CLASP2: variants seen among roughly 807,000 people sequenced by gnomAD.
CLASP2 encodes cytoplasmic linker associated protein 2, also known as CLIP-associating protein 2.
CLASP2 carries 47 observed loss-of-function variants against 194.4 expected under a neutral mutation model. The ratio of observed to expected loss-of-function variants is 0.24; its 90% CI spans 0.19 to 0.31. The LOEUF (loss-of-function observed/expected upper bound fraction) is 0.31, where lower values mean the gene tolerates loss of function less well. Among genes scored for constraint, CLASP2 ranks in the 10% least tolerant of loss-of-function variants. The probability of loss-of-function intolerance (pLI) is 1.00; values close to 1 mark genes in which losing one functional copy is unlikely to be tolerated. For missense variants in CLASP2, 1,445 were observed against 1,823.6 expected, an observed-to-expected ratio of 0.79 and a Z score of 3.78; for synonymous variants, 619 against 633.5, an observed-to-expected ratio of 0.98 and a Z score of 0.34.
At chr3:33,663,779 T>C (rs772855732) in intron 6 of CLASP2, among the ~76,000 whole-genome samples, 11 of 152,166 alleles carry the variant, frequency 7.2e-5, no homozygotes, top group Non-Finnish European at 1.5e-4. Flanking sequence ...CAGTTTCTCA[T>C]GTTTCATCAT....
chr3:33,510,454 G>T (rs1027566742), intron 37 of CLASP2, 104 bp downstream of exon 37: 2 of 1,037,118 alleles, frequency 1.9e-6, no homozygotes, highest in Non-Finnish European at 2.9e-6. Flanking sequence ...GCAGACAAAC[G>T]GGAGGAAGGC....
chr3:33,688,595 T>G (rs771104405), intron 3 of CLASP2, among the ~76,000 whole-genome samples: 36 of 152,204 alleles, frequency 2.4e-4, no homozygotes, highest in Admixed American at 9.2e-4. Flanking sequence ...ATATTTCACT[T>G]TAGATTTTGA....
chr3:33,505,714 G>A (rs2047996602), intron 37 of CLASP2, among the ~76,000 whole-genome samples: 1 of 152,202 alleles, frequency 6.6e-6, no homozygotes, highest in Admixed American at 6.5e-5. Context: ...CATCACTGAA[G>A]GCGGGACAAC....
chr3:33,716,203 T>C (rs909927306), intron 1 of CLASP2, among the ~76,000 whole-genome samples: 5 of 152,190 alleles, frequency 3.3e-5, no homozygotes, highest in Admixed American at 3.3e-4. Flanking sequence ...AGTTCTCTTC[T>C]GACTGCTGAA....
At chr3:33,498,864 T>C (rs2046162182) in intron 38 of CLASP2, 147 bp from the exon 39 acceptor site, 1 of 445,450 alleles carries the variant, frequency 2.2e-6, no homozygotes. Flanking sequence ...TTGTTGATAA[T>C]TAGGAATAAC....
At chr3:33,508,375 G>C (rs1274576696) in intron 37 of CLASP2, among the ~76,000 whole-genome samples, 1 of 152,014 alleles carries the variant, frequency 6.6e-6, no homozygotes, top group Non-Finnish European at 1.5e-5. Flanking sequence ...CTGTCTCCCA[G>C]GCTGGAGTGC....
chr3:33,672,610 G>C (rs1014685569), intron 6 of CLASP2, among the ~76,000 whole-genome samples: 2 of 152,344 alleles, frequency 1.3e-5, no homozygotes, highest in East Asian at 3.9e-4. Flanking sequence ...ACTTTGACGA[G>C]TTGACAGAAG....
chr3:33,621,748 T>C (rs1348337726), intron 11 of CLASP2, among the ~76,000 whole-genome samples: 1 of 152,182 alleles, frequency 6.6e-6, no homozygotes, highest in Non-Finnish European at 1.5e-5. Flanking sequence ...TTTGCTAAGT[T>C]AATGATGCAT....
chr3:33,609,942 A>C (rs937541108), intron 13 of CLASP2, among the ~76,000 whole-genome samples: 1 of 152,226 alleles, frequency 6.6e-6, no homozygotes, highest in African/African-American at 2.4e-5. Context: ...AGTTAAACTT[A>C]AACCTTGGCA....
intron 1 of CLASP2, among the ~76,000 whole-genome samples, chr3:33,699,357 A>G (rs2092203834): frequency 6.6e-6 from 1 of 152,180 alleles, no homozygotes; most frequent in Admixed American, 6.5e-5. Flanking sequence ...GCATCAAACC[A>G]TACATCTAAG....
In CLASP2 at chr3:33,718,220, G is replaced by A. The variant is rs1202339345; in HGVS notation, c.-218C>T. 1.5e-5 allele frequency: 4 copies of A among 272,810 alleles called. No individual in the cohort carries two copies. The highest frequency in any genetic ancestry group is 7.5e-5 in the East Asian group (1 of 13,260). 16.9% of individuals were successfully genotyped at this position (272,810 alleles called of 1,614,324 possible). On this transcript the variant is annotated 5_prime_UTR_variant, in exon 1 of 39. Coordinates refer to ENST00000682230, the MANE Select transcript of CLASP2 (RefSeq NM_001365631.1). ...GCCCCCCGATCCCCAGCCCGCTTCA[G>A]AGGCCGCGGCCGCGGGCGACGTCAG...
rs530281726 is a variant in CLASP2 at position 33,689,176 on chromosome 3, C to CA, written c.378+652dup. Among the ~76,000 whole-genome samples the CA allele has an allele frequency of 2.2e-3, 283 of 129,266 alleles. 1 individual carries two copies. The highest frequency in any genetic ancestry group is 0.019 in the South Asian group (80 of 4,200). The allele number at this position is 129,266 out of a possible 152,430, so 84.8% of individuals were successfully genotyped here. ...TTCAAGAAGGTGGCTTAAGAAATTA[C>CA]AAAAAAAAAAAAAATCTTAAATGTG... is the stretch of plus-strand genomic sequence containing the variant. On this transcript the variant is annotated intron_variant, in intron 3 of 38. Transcript: ENST00000682230.
chr3:33,597,756 CTTTT>C (rs558732745), intron 18 of CLASP2, among the ~76,000 whole-genome samples: 1 of 137,766 alleles, frequency 7.3e-6, no homozygotes. Flanking sequence ...TCTTTTCTTT[CTTTT>C]TTTTTTTTTT....
intron 37 of CLASP2, among the ~76,000 whole-genome samples, chr3:33,506,052 G>A (rs2048085217): frequency 6.6e-6 from 1 of 151,946 alleles, no homozygotes. Context: ...ACTTCATGAA[G>A]TATTTAATAT....
chr3:33,550,113 C>T (rs1038311487), intron 30 of CLASP2, among the ~76,000 whole-genome samples: 7 of 151,690 alleles, frequency 4.6e-5, no homozygotes, highest in Admixed American at 3.3e-4. Flanking sequence ...ATATAAGATG[C>T]AAGAAACAGG....
intron 27 of CLASP2, among the ~76,000 whole-genome samples, chr3:33,563,262 C>G (rs931606393): frequency 6.6e-6 from 1 of 152,148 alleles, no homozygotes; most frequent in Non-Finnish European, 1.5e-5. Context: ...CGTTCTGTAA[C>G]TTGACACTGC....
chr3:33,645,885 C>T (rs1178653214), intron 7 of CLASP2, among the ~76,000 whole-genome samples: 1 of 151,454 alleles, frequency 6.6e-6, no homozygotes, highest in Non-Finnish European at 1.5e-5. Flanking sequence ...TGAATGACCA[C>T]ACTAGTATCA....
At position 33,606,893 on chromosome 3, in the gene CLASP2, T is replaced by C. The variant is rs139374011; in HGVS notation, c.1527-135A>G. 3.8e-4 allele frequency: 256 copies of C among 674,544 alleles called. 2 individuals are homozygous for C. The highest frequency in any genetic ancestry group is 2.3e-4 in the Non-Finnish European group (94 of 406,002). The allele number at this position is 674,544 out of a possible 1,614,324, so 41.8% of individuals were successfully genotyped here. On this transcript the variant is annotated intron_variant, in intron 15 of 38. Coordinates refer to ENST00000682230, the MANE Select transcript of CLASP2 (RefSeq NM_001365631.1). ...TATCTGATATTTGTCAGGTGAACAC[T>C]TTCTAAATTGAACAAGTTCCAGTGG...
intron 34 of CLASP2, among the ~76,000 whole-genome samples, chr3:33,528,982 A>C (rs2055404569): frequency 6.6e-6 from 1 of 152,178 alleles, no homozygotes; most frequent in Non-Finnish European, 1.5e-5. Context: ...AAGTTTCAGG[A>C]TATAAAATCA....
Sources: allele counts gnomAD v4.1 joint callset (sites outside exome capture counted in the v4.1 genomes callset), GRCh38; gene constraint gnomAD v4.1.1; transcripts MANE v1.5; gene names NCBI Gene and HGNC (gene_info 2026-07-23, HGNC 2026-07-21).